Variants in KCNJ3 observed in about 807,000 individuals in gnomAD.
KCNJ3 encodes the protein potassium inwardly rectifying channel subfamily J member 3, also known as G protein-activated inward rectifier potassium channel 1.
In KCNJ3, 4 loss-of-function variants were observed where a neutral mutation model predicts 39.2. That is an observed-to-expected ratio of 0.10 (90% confidence interval 0.05 to 0.23). The LOEUF (loss-of-function observed/expected upper bound fraction) is 0.23. Ranked by LOEUF, KCNJ3 falls within the 10% of genes least tolerant of loss-of-function variation. The pLI is 1.00. For synonymous variants in KCNJ3, 230 were observed against 237.4 expected (o/e 0.97, Z 0.29); for missense variants, 276 against 634.9 (o/e 0.43, Z 6.08).
intron 1 of KCNJ3, among the ~76,000 whole-genome samples, chr2:154,708,243 C>T (rs1384926483): frequency 1.3e-5 from 2 of 152,102 alleles, no homozygotes; most frequent in South Asian, 4.1e-4. Context: ...TTGACTAATT[C>T]TCCTGTTGAA....
At chr2:154,797,558 G>C (rs1417931035) in intron 2 of KCNJ3, among the ~76,000 whole-genome samples, 1 of 151,904 alleles carries the variant, frequency 6.6e-6, no homozygotes, top group African/African-American at 2.4e-5. Context: ...GCTGTTTTCA[G>C]TGTTATTATT....
chr2:154,798,630 G>A (rs1686760326), intron 2 of KCNJ3, among the ~76,000 whole-genome samples: 1 of 152,118 alleles, frequency 6.6e-6, no homozygotes, highest in African/African-American at 2.4e-5. Flanking sequence ...TGAAACCTGA[G>A]CATTAAGATA....
chr2:154,773,942 A>G (rs1686286911), intron 2 of KCNJ3, among the ~76,000 whole-genome samples: 1 of 152,132 alleles, frequency 6.6e-6, no homozygotes, highest in Admixed American at 6.6e-5. Context: ...CCAATTCATA[A>G]CTGCCTGATG....
intron 2 of KCNJ3, among the ~76,000 whole-genome samples, chr2:154,827,997 G>A (rs1687297197): frequency 6.6e-6 from 1 of 152,124 alleles, no homozygotes; most frequent in Non-Finnish European, 1.5e-5. Context: ...TGTGTTAGAT[G>A]AAAGAACACA....
intron 2 of KCNJ3, among the ~76,000 whole-genome samples, chr2:154,821,607 T>C (rs574932777): frequency 6.8e-6 from 1 of 146,346 alleles, no homozygotes; most frequent in Non-Finnish European, 1.5e-5. Context: ...GCACCAACTT[T>C]TCCAAAAAAA....
intron 2 of KCNJ3, among the ~76,000 whole-genome samples, chr2:154,840,560 A>G (rs954982854): frequency 1.3e-5 from 2 of 152,128 alleles, no homozygotes; most frequent in Admixed American, 6.6e-5. Context: ...GATTCTTCCA[A>G]TCCATGAGCA....
rs980938699 is a variant in KCNJ3 at position 154,699,986 on chromosome 2, C to A, written c.702+509C>A. On this transcript the variant is annotated intron_variant, in intron 1 of 2. Coordinates refer to ENST00000295101, the MANE Select transcript of KCNJ3 (RefSeq NM_002239.4). This position sits in a 1 kb window ranked among gnomAD's most constrained non-coding sequence, Gnocchi z 6.4. ...TTTTCCCCCTAATAATATTAGGAGGCGGATTACTCCTCTGGACCCAATGAC... is the reference window on the plus strand; with the variant it reads ...TTTTCCCCCTAATAATATTAGGAGGAGGATTACTCCTCTGGACCCAATGAC... 1.2e-4 allele frequency among the ~76,000 whole-genome samples: 18 copies of A among 151,996 alleles called. No individual in the cohort carries two copies. The highest frequency in any genetic ancestry group is 4.1e-4 in the African/African-American group (17 of 41,370).
intron 2 of KCNJ3, among the ~76,000 whole-genome samples, chr2:154,845,856 G>C (rs1285294401): frequency 6.6e-6 from 1 of 151,922 alleles, no homozygotes; most frequent in Non-Finnish European, 1.5e-5. Context: ...TGTAGTCTTA[G>C]CTACTTGGGA....
At chr2:154,840,918 C>G (rs954370188) in intron 2 of KCNJ3, among the ~76,000 whole-genome samples, 1 of 152,046 alleles carries the variant, frequency 6.6e-6, no homozygotes, top group Non-Finnish European at 1.5e-5. Flanking sequence ...AACTGAATAC[C>G]CTTTATTTCT....
chr2:154,726,796 T>TACACACACACACACACACAC (rs58366846), intron 2 of KCNJ3, among the ~76,000 whole-genome samples: 31 of 115,376 alleles, frequency 2.7e-4, no homozygotes, highest in African/African-American at 8.7e-4. Flanking sequence ...TTTATATACA[T>TACACACACACACACACACAC]ACACACACAC....
intron 2 of KCNJ3, among the ~76,000 whole-genome samples, chr2:154,716,235 G>A (rs940445015): frequency 2.0e-5 from 3 of 150,780 alleles, no homozygotes; most frequent in Admixed American, 2.0e-4. Context: ...TCAGCCTGCC[G>A]AGCAGCTGGG....
chr2:154,754,355 C>T (rs1032327565), intron 2 of KCNJ3, among the ~76,000 whole-genome samples: 1 of 152,070 alleles, frequency 6.6e-6, no homozygotes, highest in Non-Finnish European at 1.5e-5. Flanking sequence ...CTGCAGCCAA[C>T]CTCTGCCTCC....
At chr2:154,769,964 T>TA (rs1228622344) in intron 2 of KCNJ3, among the ~76,000 whole-genome samples, 1 of 152,156 alleles carries the variant, frequency 6.6e-6, no homozygotes, top group Admixed American at 6.6e-5. Flanking sequence ...AAGTTTTCAG[T>TA]AAAAAATTCA....
intron 2 of KCNJ3, among the ~76,000 whole-genome samples, chr2:154,832,698 A>G (rs1013997870): frequency 5.3e-5 from 8 of 152,138 alleles, no homozygotes; most frequent in East Asian, 1.9e-4. Flanking sequence ...TAGAGTGTAT[A>G]AGCAATAGTG....
At chr2:154,788,851 C>T (rs1346939278) in intron 2 of KCNJ3, among the ~76,000 whole-genome samples, 1 of 151,292 alleles carries the variant, frequency 6.6e-6, no homozygotes, top group East Asian at 1.9e-4. Flanking sequence ...AGAAGTGAGG[C>T]AGCATGCTGC....
intron 2 of KCNJ3, among the ~76,000 whole-genome samples, chr2:154,761,310 C>T (rs2961959): frequency 2.0e-5 from 3 of 151,704 alleles, no homozygotes; most frequent in African/African-American, 2.4e-5. Flanking sequence ...TTTGTTTTTA[C>T]GTTTTAACTT....
chr2:154,786,880 G>A (rs1392027750), intron 2 of KCNJ3, among the ~76,000 whole-genome samples: 1 of 152,176 alleles, frequency 6.6e-6, no homozygotes, highest in Non-Finnish European at 1.5e-5. Flanking sequence ...ACTCTCAGGG[G>A]ATAATATCCA....
At chr2:154,734,256 T>G (rs1685487865) in intron 2 of KCNJ3, among the ~76,000 whole-genome samples, 1 of 152,198 alleles carries the variant, frequency 6.6e-6, no homozygotes, top group African/African-American at 2.4e-5. Context: ...ACGCCTTAGT[T>G]TGTCATAAGC....
intron 2 of KCNJ3, among the ~76,000 whole-genome samples, chr2:154,842,971 C>T (rs2652465): frequency 0.15 from 22,710 of 152,136 alleles, 2,165 homozygotes; most frequent in East Asian, 0.34. Context: ...TGAATTTGAT[C>T]CTCTCATTAT....
Sources: allele counts gnomAD v4.1 joint callset (sites outside exome capture counted in the v4.1 genomes callset), GRCh38; gene constraint gnomAD v4.1.1; non-coding constraint Gnocchi (gnomAD v3.1); transcripts MANE v1.5; gene names NCBI Gene and HGNC (gene_info 2026-07-23, HGNC 2026-07-21).